Variants in AGPAT3 observed in about 807,000 individuals in gnomAD.
AGPAT3 encodes the protein 1-acyl-sn-glycerol-3-phosphate acyltransferase gamma.
A neutral mutation model predicts 47.3 loss-of-function variants in AGPAT3; 5 were observed. The observed-to-expected ratio is 0.11, with a 90% CI of 0.06 to 0.22. The LOEUF (loss-of-function observed/expected upper bound fraction) is 0.22. AGPAT3 is among the 10% of genes least tolerant of loss of function. The pLI, the probability that AGPAT3 is intolerant of heterozygous loss-of-function variation, is 1.00. For synonymous variants in AGPAT3, 212 were observed against 208.3 expected, an observed-to-expected ratio of 1.02 and a Z score of -0.15; for missense variants, 315 against 493.0, an observed-to-expected ratio of 0.64 and a Z score of 3.42.
chr21:43,973,792 C>T (rs1055658597), intron 7 of AGPAT3, among the ~76,000 whole-genome samples: 9 of 152,132 alleles, frequency 5.9e-5, no homozygotes, highest in African/African-American at 1.2e-4. Context: ...GCTTTGGTGG[C>T]GATGCCCAGG....
In AGPAT3 at chr21:43,955,278, A is replaced by T. The variant is rs1346950080; in HGVS notation, c.-48-4356A>T. The T allele has an allele frequency of 1.7e-6, 2 of 1,158,286 alleles. No individual in the cohort carries two copies. Among genetic ancestry groups the T allele is most frequent in the Admixed American group, 6.7e-5 (2 of 29,644 alleles). 71.8% of individuals were successfully genotyped at this position (1,158,286 alleles called of 1,614,324 possible). ...CTATAGAGCTGGAAAGCTGACCTGC[A>T]TTGTCAGGCTGGGTGGGGAAGGACT... On this transcript the variant is annotated intron_variant, in intron 2 of 9. Transcript: ENST00000291572. The surrounding 1 kb of genome is among the most constrained non-coding windows in gnomAD (Gnocchi z 4.1).
intron 1 of AGPAT3, among the ~76,000 whole-genome samples, chr21:43,898,857 T>C (rs1339922911): frequency 6.6e-6 from 1 of 151,814 alleles, no homozygotes; most frequent in Non-Finnish European, 1.5e-5. Flanking sequence ...TACTTTTGAA[T>C]ATCACAAGAC....
intron 1 of AGPAT3, among the ~76,000 whole-genome samples, chr21:43,888,309 G>A (rs984956924): frequency 1.3e-5 from 2 of 152,204 alleles, no homozygotes; most frequent in African/African-American, 4.8e-5. Flanking sequence ...CAAAATGTTG[G>A]AATGACAGGC....
intron 1 of AGPAT3, among the ~76,000 whole-genome samples, chr21:43,869,718 T>C (rs1335431242): frequency 6.6e-6 from 1 of 152,180 alleles, no homozygotes; most frequent in Non-Finnish European, 1.5e-5. Flanking sequence ...TGGCCCTGCG[T>C]GAGTACCCGC....
At chr21:43,883,311 C>T (rs1348022923) in intron 1 of AGPAT3, among the ~76,000 whole-genome samples, 1 of 152,262 alleles carries the variant, frequency 6.6e-6, no homozygotes, top group African/African-American at 2.4e-5. Flanking sequence ...CTCCTGCCCA[C>T]TCTGGGACCC....
intron 3 of AGPAT3, 54 bp downstream of exon 3, chr21:43,959,913 C>A (rs576146849): frequency 1.2e-5 from 19 of 1,530,314 alleles, no homozygotes; most frequent in Non-Finnish European, 1.6e-5. Flanking sequence ...GGGGGTGGCG[C>A]GCGACCATGC....
intron 7 of AGPAT3, among the ~76,000 whole-genome samples, chr21:43,976,192 G>A (rs987798484): frequency 2.0e-5 from 3 of 151,984 alleles, no homozygotes; most frequent in Non-Finnish European, 2.9e-5. Context: ...TCAGCCTCTC[G>A]AGTAGCTGGG....
At chr21:43,901,789 CAAAT>C (rs2086364704) in intron 1 of AGPAT3, among the ~76,000 whole-genome samples, 2 of 151,920 alleles carry the variant, frequency 1.3e-5, no homozygotes, top group African/African-American at 2.4e-5. Context: ...AAAAAAGACC[CAAAT>C]AAATCTTCTA....
At chr21:43,887,366 ACTAT>A (rs1437728043) in intron 1 of AGPAT3, among the ~76,000 whole-genome samples, 5 of 152,240 alleles carry the variant, frequency 3.3e-5, no homozygotes, top group African/African-American at 1.2e-4. Flanking sequence ...TGAAACAGCA[ACTAT>A]CTCAGTGTTT....
Position 43,922,935 on chromosome 21 carries a change from T to C in AGPAT3, c.-49+18916T>C, listed in dbSNP as rs2086937456. Among the ~76,000 whole-genome samples the C allele has an allele frequency of 6.6e-6, 1 of 152,194 alleles. No homozygotes were observed. Among genetic ancestry groups the C allele is most frequent in the African/African-American group, 2.4e-5 (1 of 41,458 alleles). ...GGCGCCTGTCCCCAGCGGGGCGGGCTCTGGGGTGCGAGCGTCTGTTCTGTG... is the reference window on the plus strand; with the variant it reads ...GGCGCCTGTCCCCAGCGGGGCGGGCCCTGGGGTGCGAGCGTCTGTTCTGTG... On this transcript the variant is annotated intron_variant, in intron 2 of 9. Transcript: ENST00000291572. The surrounding 1 kb of genome is among the most constrained non-coding windows in gnomAD (Gnocchi z 4.9).
In AGPAT3 at chr21:43,984,981, C is replaced by G. The variant is rs1285489650; in HGVS notation, c.*2589C>G. The G allele has an allele frequency of 7.7e-6, 3 of 391,040 alleles. No individual in the cohort carries two copies. Among genetic ancestry groups the G allele is most frequent in the African/African-American group, 4.2e-5 (2 of 47,870 alleles). 24.2% of individuals were successfully genotyped at this position (391,040 alleles called of 1,614,324 possible). Reference sequence around the variant, plus strand: ...TCTGCACCCAGTCCTTGAGCCAGGCCGAGGACAGGAAGGGCATTGCTGGCC... The same window carrying G: ...TCTGCACCCAGTCCTTGAGCCAGGCGGAGGACAGGAAGGGCATTGCTGGCC... On this transcript the variant is annotated 3_prime_UTR_variant, in exon 10 of 10. Transcript: ENST00000291572.
chr21:43,897,209 A>G (rs1203382661), intron 1 of AGPAT3, among the ~76,000 whole-genome samples: 1 of 152,048 alleles, frequency 6.6e-6, no homozygotes, highest in East Asian at 1.9e-4. Flanking sequence ...CACATCTTGC[A>G]CCGCCCTTAA....
chr21:43,959,719 T>C lies in AGPAT3; in HGVS notation c.38T>C (p.Leu13Pro). 1.9e-6 allele frequency: 3 copies of C among 1,613,830 alleles called. No individual in the cohort carries two copies. Among genetic ancestry groups the C allele is most frequent in the Non-Finnish European group, 2.5e-6 (3 of 1,179,934 alleles). The change falls in exon 3 of 10, where the codon CTG becomes CCG. Residue 13 changes from leucine to proline, a missense_variant. Physicochemically the swap from Leu to Pro is moderately conservative, Grantham distance 98. Transcript: ENST00000291572. ...GCCTTCCTGAAGACCCAGTTCGTGCTGCACCTGCTGGTCGGCTTTGTCTTC... is the reference window on the plus strand; with the variant it reads ...GCCTTCCTGAAGACCCAGTTCGTGCCGCACCTGCTGGTCGGCTTTGTCTTC... ...LLAFLKTQFVLHLLVGFVFVV... is the reference protein window; with the variant it reads ...LLAFLKTQFVPHLLVGFVFVV...
intron 2 of AGPAT3, among the ~76,000 whole-genome samples, chr21:43,913,443 A>C (rs1248678797): frequency 1.3e-5 from 2 of 152,106 alleles, no homozygotes; most frequent in Non-Finnish European, 2.9e-5. Context: ...AAAATTAGCC[A>C]GGCATGGTGG....
intron 2 of AGPAT3, 124 bp from the exon 3 acceptor site, chr21:43,959,510 T>C: frequency 1.2e-6 from 1 of 814,368 alleles, no homozygotes; most frequent in Non-Finnish European, 2.0e-6. Flanking sequence ...GTTTGCAGTG[T>C]GCTGTGCAGC....
Position 43,955,474 on chromosome 21 carries a change from G to A in AGPAT3, c.-48-4160G>A, listed in dbSNP as rs572992071. On this transcript the variant is annotated intron_variant, in intron 2 of 9. Transcript: ENST00000291572. The surrounding 1 kb of genome is among the most constrained non-coding windows in gnomAD (Gnocchi z 4.1). ...ATGGAGTTTCACTCTTGTCACCCAG[G>A]CTGGAGTGCAGTGGTGCGATCTCAG... 6.6e-6 allele frequency among the ~76,000 whole-genome samples: 1 copy of A among 152,124 alleles called. No homozygotes were observed. The highest frequency in any genetic ancestry group is 2.4e-5 in the African/African-American group (1 of 41,546).
intron 3 of AGPAT3, among the ~76,000 whole-genome samples, chr21:43,961,434 ACTTTGTCTCATGTGGGAAAGG>A (rs2088832497): frequency 2.0e-5 from 3 of 150,302 alleles, no homozygotes; most frequent in African/African-American, 7.3e-5. Context: ...GCGCATAGAC[ACTTTGTCTCATGTGGGAAAGG>A]GTGAGCACGT....
chr21:43,944,434 TC>T (rs962293406), intron 2 of AGPAT3, among the ~76,000 whole-genome samples: 2 of 152,196 alleles, frequency 1.3e-5, no homozygotes, highest in Admixed American at 1.3e-4. Context: ...GGCCTTGCTG[TC>T]CCTGGGTGCT....
chr21:43,870,092 G>A (rs1028236465), intron 1 of AGPAT3, among the ~76,000 whole-genome samples: 8 of 152,262 alleles, frequency 5.3e-5, no homozygotes, highest in Admixed American at 3.9e-4. Flanking sequence ...ACGGGCGGGC[G>A]GGATTTTGGA....
Sources: gnomAD v4.1 joint callset for allele counts (sites outside exome capture counted in the v4.1 genomes callset) on GRCh38, gnomAD v4.1.1 for gene constraint, Gnocchi (gnomAD v3.1) non-coding constraint, MANE v1.5 for transcripts, NCBI Gene and HGNC (gene_info 2026-07-23, HGNC 2026-07-21) for gene names.